Variants in AFF3 observed in about 807,000 individuals in gnomAD.
AFF3 encodes ALF transcription elongation factor 3.
In AFF3, 32 loss-of-function variants were observed where a neutral mutation model predicts 129.7. The ratio of observed to expected loss-of-function variants is 0.25; its 90% confidence interval spans 0.19 to 0.33. The LOEUF is 0.33. Ranked by LOEUF, AFF3 falls within the 10% of genes least tolerant of loss-of-function variation. The pLI, the probability that AFF3 is intolerant of heterozygous loss-of-function variation, is 1.00. For missense variants in AFF3, 1,373 were observed against 1,592.0 expected, an observed-to-expected ratio of 0.86 and a Z score of 2.34; for synonymous variants, 644 against 635.4, an observed-to-expected ratio of 1.01 and a Z score of -0.20.
At chr2:99,987,301 A>G (rs1407776494) in intron 7 of AFF3, among the ~76,000 whole-genome samples, 1 of 152,208 alleles carries the variant, frequency 6.6e-6, no homozygotes, top group Non-Finnish European at 1.5e-5. Context: ...TTTATAAGCG[A>G]AAGTCATAGA....
At chr2:100,041,587 A>C (rs191227256) in intron 4 of AFF3, among the ~76,000 whole-genome samples, 85 of 152,326 alleles carry the variant, frequency 5.6e-4, no homozygotes, top group African/African-American at 1.9e-3. Flanking sequence ...CCTAATGCTG[A>C]CGTGTCATAT....
chr2:99,925,692 G>A (rs954371470), intron 7 of AFF3, among the ~76,000 whole-genome samples: 6 of 152,222 alleles, frequency 3.9e-5, no homozygotes, highest in African/African-American at 1.4e-4. Flanking sequence ...GGCCCTCACT[G>A]AGGCTGTCTG....
intron 12 of AFF3, among the ~76,000 whole-genome samples, chr2:99,653,605 C>T (rs902908410): frequency 6.6e-5 from 10 of 152,338 alleles, no homozygotes; most frequent in Admixed American, 2.6e-4. Flanking sequence ...ATCCCAGTGG[C>T]GGCACCTGTT....
intron 2 of AFF3, among the ~76,000 whole-genome samples, chr2:100,115,970 T>C (rs1343033432): frequency 6.6e-6 from 1 of 152,148 alleles, no homozygotes; most frequent in Non-Finnish European, 1.5e-5. Context: ...GTTTTTAAAA[T>C]TTCTTCTTAT....
intron 7 of AFF3, among the ~76,000 whole-genome samples, chr2:99,903,637 G>A (rs1694508485): frequency 6.6e-6 from 1 of 152,072 alleles, no homozygotes; most frequent in Non-Finnish European, 1.5e-5. Flanking sequence ...AATTTAATGA[G>A]ATTTTTAAAA....
intron 4 of AFF3, among the ~76,000 whole-genome samples, chr2:100,068,114 C>T (rs1559102206): frequency 1.3e-5 from 2 of 152,176 alleles, no homozygotes; most frequent in East Asian, 1.9e-4. Context: ...TCACAAGCTA[C>T]GTGGAATTGA....
chr2:99,611,552 GT>G (rs1006703526), intron 13 of AFF3, among the ~76,000 whole-genome samples: 66 of 152,044 alleles, frequency 4.3e-4, no homozygotes, highest in African/African-American at 1.2e-3. Flanking sequence ...GGGGGCCACA[GT>G]TTTTTTTCCC....
At chr2:99,844,918 C>T (rs534799508) in intron 7 of AFF3, among the ~76,000 whole-genome samples, 3 of 150,556 alleles carry the variant, frequency 2.0e-5, no homozygotes, top group South Asian at 2.1e-4. Flanking sequence ...AGCAGGCATT[C>T]GATTATATTT....
intron 4 of AFF3, among the ~76,000 whole-genome samples, chr2:100,009,800 C>T (rs1416411123): frequency 6.6e-6 from 1 of 152,154 alleles, no homozygotes; most frequent in Non-Finnish European, 1.5e-5. Context: ...GAAGGAAATG[C>T]ACTTGTTTTT....
At chr2:100,045,154 G>T (rs1352206829) in intron 4 of AFF3, among the ~76,000 whole-genome samples, 1 of 152,116 alleles carries the variant, frequency 6.6e-6, no homozygotes, top group Non-Finnish European at 1.5e-5. Flanking sequence ...GGCAACAGAG[G>T]TGGGGAAGGG....
At chr2:99,634,306 CTCT>C (rs1333247201) in intron 13 of AFF3, among the ~76,000 whole-genome samples, 1 of 152,214 alleles carries the variant, frequency 6.6e-6, no homozygotes. Flanking sequence ...AGAATGAAAC[CTCT>C]GTGACTGTCT....
chr2:100,043,658 A>G (rs1337522605), intron 4 of AFF3, among the ~76,000 whole-genome samples: 2 of 152,250 alleles, frequency 1.3e-5, no homozygotes, highest in Non-Finnish European at 2.9e-5. Flanking sequence ...ACCAATACAT[A>G]TAACAAAGAG....
chr2:99,723,711 C>A (rs574977245), intron 11 of AFF3, among the ~76,000 whole-genome samples: 2 of 152,140 alleles, frequency 1.3e-5, no homozygotes, highest in Admixed American at 6.5e-5. Flanking sequence ...TGTTACAGGC[C>A]AAACTACTTC....
rs1465632539 is a variant in AFF3, at chr2:99,727,107, T to C, written c.1061A>G (p.Glu354Gly). Reference protein sequence around the residue: ...NNPKKGDAEPESPDNGTSNTS... With the variant: ...NNPKKGDAEPGSPDNGTSNTS... ...ATTCGATGTGCCATTGTCTGGACTC[T>C]CTGGCTCTGCATCACCTTTCTCTTA... The change falls in exon 11 of 25, where the codon GAG (glutamate) becomes GGG (glycine). Residue 354 changes from glutamate to glycine, a missense_variant. Glu to Gly is a moderately conservative substitution (Grantham distance 98, BLOSUM62 -2). Around this residue, in one of 9 missense-constraint regions of AFF3, gnomAD observed 413 missense variants for 424.4 expected, o/e 0.97. Transcript: ENST00000672756. 2 of 1,610,904 alleles carry C rather than the reference T, an allele frequency of 1.2e-6. No individual in the cohort carries two copies. The highest frequency in any genetic ancestry group is 2.7e-5 in the African/African-American group (2 of 74,734).
intron 8 of AFF3, among the ~76,000 whole-genome samples, chr2:99,823,232 C>T (rs1687820562): frequency 6.6e-6 from 1 of 152,064 alleles, no homozygotes; most frequent in Admixed American, 6.5e-5. Context: ...TTTAAAGGTA[C>T]TATTTTAAAA....
intron 7 of AFF3, among the ~76,000 whole-genome samples, chr2:99,886,686 T>C (rs1026741268): frequency 2.4e-4 from 36 of 152,138 alleles, no homozygotes; most frequent in African/African-American, 8.0e-4. Context: ...ACAAGTTTTA[T>C]TACCCAAACT....
intron 15 of AFF3, among the ~76,000 whole-genome samples, chr2:99,589,786 T>C (rs12467621): frequency 0.035 from 5,309 of 152,210 alleles, 277 homozygotes; most frequent in Admixed American, 0.14. Flanking sequence ...CCAAGGACCA[T>C]AAATAACCTT....
intron 13 of AFF3, among the ~76,000 whole-genome samples, chr2:99,647,369 T>C (rs574812704): frequency 6.6e-6 from 1 of 152,304 alleles, no homozygotes; most frequent in South Asian, 2.1e-4. Context: ...ATGGAGCCAT[T>C]ATCCTCAGCA....
chr2:99,716,876 C>T (rs1465671883), intron 11 of AFF3, among the ~76,000 whole-genome samples: 1 of 52,996 alleles, frequency 1.9e-5, no homozygotes, highest in Non-Finnish European at 3.4e-5. Flanking sequence ...GAGTGAGACT[C>T]CGTCTCAAAA....
Sources: allele counts gnomAD v4.1 joint callset (sites outside exome capture counted in the v4.1 genomes callset), GRCh38; gene constraint gnomAD v4.1.1; regional missense constraint gnomAD v4.1.1; transcripts MANE v1.5; gene names NCBI Gene and HGNC (gene_info 2026-07-23, HGNC 2026-07-21).